Variants in THSD4 observed in about 807,000 individuals in gnomAD.
THSD4 encodes thrombospondin type 1 domain containing 4.
In THSD4, 69 loss-of-function variants were observed where a neutral mutation model predicts 119.0. That is an observed-to-expected ratio of 0.58 (90% CI 0.48 to 0.71). The LOEUF is 0.71. Among genes scored for constraint, THSD4 ranks in the 30% least tolerant of loss-of-function variants. THSD4 has a pLI of 0.00. For missense variants in THSD4, 1,393 were observed against 1,391.1 expected (o/e 1.00, Z -0.02); for synonymous variants, 524 against 540.4 (o/e 0.97, Z 0.42).
chr15:71,685,673 TAGAG>T (rs1226520927), intron 8 of THSD4, among the ~76,000 whole-genome samples: 13 of 152,216 alleles, frequency 8.5e-5, no homozygotes, highest in African/African-American at 3.1e-4. Flanking sequence ...AGTTGGAAAA[TAGAG>T]AGGTAGTTTA....
intron 7 of THSD4, among the ~76,000 whole-genome samples, chr15:71,550,994 C>T (rs144929520): frequency 1.8e-4 from 28 of 152,240 alleles, no homozygotes; most frequent in African/African-American, 6.7e-4. Flanking sequence ...TTTTCCATTT[C>T]TAAGACTTTT....
At chr15:71,381,649 T>C (rs1185357135) in intron 6 of THSD4, among the ~76,000 whole-genome samples, 3 of 152,146 alleles carry the variant, frequency 2.0e-5, no homozygotes, top group Non-Finnish European at 1.5e-5. Flanking sequence ...ACTTAACATG[T>C]CCAGTTAAAA....
At chr15:71,550,382 T>C (rs1034564337) in intron 7 of THSD4, among the ~76,000 whole-genome samples, 1 of 152,218 alleles carries the variant, frequency 6.6e-6, no homozygotes, top group Non-Finnish European at 1.5e-5. Flanking sequence ...ATCTGCTACA[T>C]TCCATATTTG....
chr15:71,750,248 A>G (rs1307176330), intron 14 of THSD4, among the ~76,000 whole-genome samples: 1 of 152,194 alleles, frequency 6.6e-6, no homozygotes, highest in African/African-American at 2.4e-5. Flanking sequence ...CCTTTCACGC[A>G]GTTTGGGGAT....
intron 8 of THSD4, among the ~76,000 whole-genome samples, chr15:71,665,290 C>T (rs939461714): frequency 6.6e-6 from 1 of 152,152 alleles, no homozygotes; most frequent in African/African-American, 2.4e-5. Context: ...ATACATACGT[C>T]ATCTTTTGAA....
chr15:71,325,813 C>CA (rs1192728541), intron 6 of THSD4, among the ~76,000 whole-genome samples: 1 of 152,118 alleles, frequency 6.6e-6, no homozygotes, highest in East Asian at 1.9e-4. Context: ...TAAACAATAA[C>CA]AAAAAAACTC....
intron 7 of THSD4, among the ~76,000 whole-genome samples, chr15:71,556,702 C>T (rs1014385339): frequency 6.6e-6 from 1 of 150,850 alleles, no homozygotes; most frequent in Admixed American, 6.6e-5. Context: ...GAGGCTGACG[C>T]TGCAGTGAGC....
chr15:71,277,128 C>CTTTTTT lies in THSD4; in HGVS notation c.1015+20422_1015+20427dup, dbSNP rs779207517. Among the ~76,000 whole-genome samples the CTTTTTT allele has an allele frequency of 2.4e-4, 29 of 123,018 alleles. 3 individuals carry two copies. Among genetic ancestry groups the CTTTTTT allele is most frequent in the Admixed American group, 1.3e-3 (16 of 12,038 alleles). The allele number at this position is 123,018 out of a possible 152,430, so 80.7% of individuals were successfully genotyped here. On this transcript the variant is annotated intron_variant, in intron 6 of 17. Coordinates refer to ENST00000261862, the MANE Select transcript of THSD4 (RefSeq NM_024817.3). Reference sequence around the variant, plus strand: ...TATTTGTATTTGAATTCTTCTTCTTCTTTTTTTTTTTTTTGAAACGGAGTT... The same window carrying CTTTTTT: ...TATTTGTATTTGAATTCTTCTTCTTCTTTTTTTTTTTTTTTTTTTTGAAACGGAGTT...
At chr15:71,350,779 A>G (rs934433327) in intron 6 of THSD4, among the ~76,000 whole-genome samples, 1 of 152,112 alleles carries the variant, frequency 6.6e-6, no homozygotes, top group Non-Finnish European at 1.5e-5. Flanking sequence ...AGAGCTGGGA[A>G]CAAGGATGTG....
At chr15:71,246,085 C>T (rs1047749627) in intron 5 of THSD4, among the ~76,000 whole-genome samples, 5 of 152,094 alleles carry the variant, frequency 3.3e-5, no homozygotes, top group East Asian at 1.9e-4. Flanking sequence ...ATACAGATGC[C>T]GAGCTTTGAC....
At chr15:71,540,816 G>A (rs1346295773) in intron 7 of THSD4, among the ~76,000 whole-genome samples, 1 of 146,394 alleles carries the variant, frequency 6.8e-6, no homozygotes, top group Non-Finnish European at 1.5e-5. Flanking sequence ...TCTAACTCCT[G>A]GGTTCAAGTG....
At chr15:71,505,321 C>T (rs1474845510) in intron 7 of THSD4, among the ~76,000 whole-genome samples, 1 of 152,228 alleles carries the variant, frequency 6.6e-6, no homozygotes, top group African/African-American at 2.4e-5. Flanking sequence ...CCAACAATCT[C>T]TTTCTGTACA....
Position 71,332,891 on chromosome 15 carries a change from C to CTTTTTTT in THSD4, c.1015+76176_1015+76177insTTTTTTT, listed in dbSNP as rs1184457820. 5.3e-4 allele frequency among the ~76,000 whole-genome samples: 20 copies of CTTTTTTT among 38,046 alleles called. 1 individual carries two copies. Among genetic ancestry groups the CTTTTTTT allele is most frequent in the South Asian group, 9.1e-4 (1 of 1,102 alleles). The allele number at this position is 38,046 out of a possible 152,430, so 25.0% of individuals were successfully genotyped here. On this transcript the variant is annotated intron_variant, in intron 6 of 17. Transcript: ENST00000261862. ...TTCTTAAAACATTGAGATTTTTTTA[C>CTTTTTTT]ATTTTTTTTTTTTTTTTAGTTCATC...
intron 4 of THSD4, among the ~76,000 whole-genome samples, chr15:71,222,913 A>G (rs1158410499): frequency 6.6e-6 from 1 of 152,248 alleles, no homozygotes; most frequent in Non-Finnish European, 1.5e-5. Flanking sequence ...TGGATGCTCC[A>G]TCTGACCCTG....
In THSD4 at chr15:71,735,770, TTCTCTG is replaced by T. The variant is rs1029557623; in HGVS notation, c.1631-1950_1631-1945del. On this transcript the variant is annotated intron_variant, in intron 10 of 17. Coordinates refer to ENST00000261862, the MANE Select transcript of THSD4 (RefSeq NM_024817.3). The stretch of plus-strand genomic sequence containing the variant: ...TCTCTCTTGCTCTCTGTCTGTCTTC[TTCTCTG>T]TCTCTGTCTCTCCTGCTCTCTTGCT... Among the ~76,000 whole-genome samples the T allele has an allele frequency of 3.1e-4, 44 of 142,578 alleles. No homozygotes were observed. The East Asian group carries it at 8.0e-3, about 26-fold the overall frequency. The allele number at this position is 142,578 out of a possible 152,430, so 93.5% of individuals were successfully genotyped here.
intron 8 of THSD4, among the ~76,000 whole-genome samples, chr15:71,689,915 A>G (rs924554): frequency 3.9e-5 from 6 of 152,184 alleles, no homozygotes; most frequent in Admixed American, 3.3e-4. Flanking sequence ...TGACTTTTTC[A>G]TGAGGCAACC....
At chr15:71,116,833 G>T (rs577124122) in intron 1 of THSD4, among the ~76,000 whole-genome samples, 1 of 152,042 alleles carries the variant, frequency 6.6e-6, no homozygotes, top group African/African-American at 2.4e-5. Flanking sequence ...TGGAGGTGAT[G>T]GAGTAACTGG....
chr15:71,119,088 T>A (rs985657794), intron 1 of THSD4, among the ~76,000 whole-genome samples: 3 of 152,144 alleles, frequency 2.0e-5, no homozygotes, highest in African/African-American at 7.2e-5. Context: ...TCTCTTTTAA[T>A]CCTCCCAGCC....
chr15:71,239,430 T>A (rs2044133946), intron 4 of THSD4, among the ~76,000 whole-genome samples: 1 of 152,128 alleles, frequency 6.6e-6, no homozygotes, highest in Non-Finnish European at 1.5e-5. Context: ...ACCCAAAGTT[T>A]CCAAACTAGC....
Sources: gnomAD v4.1 joint callset for allele counts (sites outside exome capture counted in the v4.1 genomes callset) on GRCh38, gnomAD v4.1.1 for gene constraint, MANE v1.5 for transcripts, NCBI Gene and HGNC (gene_info 2026-07-23, HGNC 2026-07-21) for gene names.